The following PTPRR variants were observed in gnomAD, a reference collection of about 807,000 sequenced individuals.
The protein encoded by PTPRR is receptor-type tyrosine-protein phosphatase R.
Under a neutral mutation model 77.2 loss-of-function variants are expected in PTPRR, and 38 were observed. That is an observed-to-expected ratio of 0.49 (90% confidence interval 0.38 to 0.65). PTPRR has a LOEUF of 0.65. PTPRR is among the 30% of genes least tolerant of loss of function. The pLI, the probability that PTPRR is intolerant of heterozygous loss-of-function variation, is 0.00. For missense variants in PTPRR, 744 were observed against 799.2 expected (o/e 0.93, Z 0.83); for synonymous variants, 299 against 283.1 (o/e 1.06, Z -0.57).
chr12:70,721,201 GGTTAGAAATATACCGAGGA>G (rs1889238680), intron 6 of PTPRR, among the ~76,000 whole-genome samples: 1 of 152,138 alleles, frequency 6.6e-6, no homozygotes, highest in South Asian at 2.1e-4. Context: ...GTTAGAAATA[GGTTAGAAATATACCGAGGA>G]GTTAGAAATA....
At chr12:70,869,627 C>T (rs1297373990) in intron 2 of PTPRR, among the ~76,000 whole-genome samples, 2 of 151,878 alleles carry the variant, frequency 1.3e-5, no homozygotes, top group African/African-American at 4.8e-5. Flanking sequence ...ATTAGTAGGC[C>T]CAATATAATC....
At chr12:70,845,425 G>A (rs1442128620) in intron 2 of PTPRR, among the ~76,000 whole-genome samples, 1 of 152,158 alleles carries the variant, frequency 6.6e-6, no homozygotes, top group African/African-American at 2.4e-5. Context: ...AGTAAAGACT[G>A]AAAAGTTGGA....
At chr12:70,667,536 C>T (rs903389296) in intron 10 of PTPRR, among the ~76,000 whole-genome samples, 2 of 152,084 alleles carry the variant, frequency 1.3e-5, no homozygotes, top group African/African-American at 4.8e-5. Context: ...GCCAGGTTGC[C>T]TCTCCACCAA....
intron 2 of PTPRR, among the ~76,000 whole-genome samples, chr12:70,872,104 T>A (rs1892967495): frequency 6.6e-6 from 1 of 152,224 alleles, no homozygotes; most frequent in Non-Finnish European, 1.5e-5. Flanking sequence ...CATAAACAGA[T>A]TTGATTGTAG....
intron 4 of PTPRR, among the ~76,000 whole-genome samples, chr12:70,757,078 T>C (rs1890580828): frequency 6.6e-6 from 1 of 152,208 alleles, no homozygotes; most frequent in African/African-American, 2.4e-5. Flanking sequence ...ATATTGATTG[T>C]ATGTCTCCTC....
chr12:70,804,796 C>A (rs376136153), intron 2 of PTPRR, among the ~76,000 whole-genome samples: 2 of 152,198 alleles, frequency 1.3e-5, no homozygotes, highest in Admixed American at 1.3e-4. Flanking sequence ...GATGAACGTG[C>A]GAACATATTG....
At chr12:70,696,045 A>G (rs911677522) in intron 8 of PTPRR, among the ~76,000 whole-genome samples, 2 of 152,150 alleles carry the variant, frequency 1.3e-5, no homozygotes, top group Admixed American at 1.3e-4. Context: ...GAAGATTGCT[A>G]TTTCAATGTC....
intron 7 of PTPRR, among the ~76,000 whole-genome samples, chr12:70,699,558 C>T (rs1044348458): frequency 1.1e-4 from 17 of 152,150 alleles, no homozygotes; most frequent in African/African-American, 4.1e-4. Context: ...GGCATCCTCC[C>T]ATCTCAGCTT....
chr12:70,758,454 G>T (rs1890612419), intron 4 of PTPRR, among the ~76,000 whole-genome samples: 2 of 146,064 alleles, frequency 1.4e-5, no homozygotes, highest in South Asian at 4.1e-4. Flanking sequence ...CTTCAGAATG[G>T]CTTTTAAACT....
chr12:70,877,770 A>C (rs12321388), intron 2 of PTPRR, among the ~76,000 whole-genome samples: 2,821 of 152,276 alleles, frequency 0.019, 38 homozygotes, highest in Middle Eastern at 0.034. Context: ...ATATGGAACC[A>C]AAAAAGAGCC....
chr12:70,888,042 G>A (rs1893272202), intron 2 of PTPRR, among the ~76,000 whole-genome samples: 1 of 152,106 alleles, frequency 6.6e-6, no homozygotes, highest in Admixed American at 6.5e-5. Flanking sequence ...GTGTGTGTGT[G>A]TGGTGTGATA....
intron 2 of PTPRR, 105 bp downstream of exon 2, chr12:70,892,573 TG>T: frequency 7.7e-7 from 1 of 1,302,684 alleles, no homozygotes; most frequent in Non-Finnish European, 1.1e-6. Flanking sequence ...ACATACCCGT[TG>T]GGATTCATTG....
At position 70,684,747 on chromosome 12, in the gene PTPRR, A is replaced by G; in HGVS notation, c.1316T>C (p.Val439Ala). The change falls in exon 9 of 14, where the codon GTA becomes GCA. Residue 439 changes from valine to alanine, a missense_variant. This residue lies in a region of PTPRR where 570 missense variants were observed against 573.2 expected (regional missense o/e 0.99). Coordinates refer to ENST00000283228, the MANE Select transcript of PTPRR (RefSeq NM_002849.4). The stretch of plus-strand genomic sequence containing the variant: ...AATGTAGGTGCTCAATGAATCGGTT[A>G]CATTTTTTGGTCTTAAACACACTCT... ...LSRVCLRPKN[V>A]TDSLSTYINA... The G allele has an allele frequency of 6.2e-7, 1 of 1,608,342 alleles. No individual in the cohort carries two copies. Among genetic ancestry groups the G allele is most frequent in the Non-Finnish European group, 8.5e-7 (1 of 1,175,958 alleles).
chr12:70,674,539 G>C (rs939169385), intron 10 of PTPRR, among the ~76,000 whole-genome samples: 4 of 152,084 alleles, frequency 2.6e-5, no homozygotes, highest in African/African-American at 9.7e-5. Context: ...AAGCATCAAA[G>C]TGTATTTTTT....
At chr12:70,823,093 GCTGT>G (rs1309977356) in intron 2 of PTPRR, among the ~76,000 whole-genome samples, 1 of 122,552 alleles carries the variant, frequency 8.2e-6, no homozygotes, top group African/African-American at 3.4e-5. Flanking sequence ...CTTCTCTCTT[GCTGT>G]CTCTCTCTCT....
intron 2 of PTPRR, among the ~76,000 whole-genome samples, chr12:70,810,857 T>C (rs1441749721): frequency 6.6e-6 from 1 of 152,172 alleles, no homozygotes; most frequent in Non-Finnish European, 1.5e-5. Context: ...AGACCTCATA[T>C]GTAAGAAAAG....
intron 13 of PTPRR, among the ~76,000 whole-genome samples, chr12:70,646,754 T>C (rs1251017120): frequency 6.6e-6 from 1 of 152,154 alleles, no homozygotes; most frequent in East Asian, 1.9e-4. Flanking sequence ...TAGAGGAATC[T>C]TTGTGATTAT....
chr12:70,655,077 G>A (rs77865894), intron 13 of PTPRR, among the ~76,000 whole-genome samples: 3,949 of 152,264 alleles, frequency 0.026, 234 homozygotes, highest in East Asian at 0.24. Context: ...ATTTACCCAG[G>A]CAGGCTTAGT....
At chr12:70,867,509 A>G (rs1892875871) in intron 2 of PTPRR, among the ~76,000 whole-genome samples, 1 of 151,996 alleles carries the variant, frequency 6.6e-6, no homozygotes, top group African/African-American at 2.4e-5. Flanking sequence ...AAGGAGAACT[A>G]CAAACCACTG....
Sources: gnomAD v4.1 joint callset for allele counts (sites outside exome capture counted in the v4.1 genomes callset) on GRCh38, gnomAD v4.1.1 for gene constraint, gnomAD v4.1.1 regional missense constraint, MANE v1.5 for transcripts, NCBI Gene and HGNC (gene_info 2026-07-23, HGNC 2026-07-21) for gene names.